VWA8: variants seen among roughly 807,000 people sequenced by gnomAD.
The protein encoded by VWA8 is von Willebrand factor A domain containing 8.
VWA8 carries 221 observed loss-of-function variants against 241.5 expected under a neutral mutation model. The observed-to-expected ratio is 0.91, with a 90% CI of 0.82 to 1.02. The LOEUF (loss-of-function observed/expected upper bound fraction) is 1.02, where lower values mean the gene tolerates loss of function less well. VWA8 is among the 50% of genes least tolerant of loss of function. The pLI is 0.00. For synonymous variants in VWA8, 852 were observed against 827.1 expected (o/e 1.03, Z -0.52); for missense variants, 2,322 against 2,328.7 (o/e 1.00, Z 0.06).
intron 5 of VWA8, among the ~76,000 whole-genome samples, chr13:41,889,081 C>T (rs2138082097): frequency 6.6e-6 from 1 of 152,194 alleles, no homozygotes; most frequent in Middle Eastern, 3.4e-3. Context: ...ACTATAATCA[C>T]CTTTATGAAA....
chr13:41,591,835 C>T (rs367817899), intron 40 of VWA8, among the ~76,000 whole-genome samples: 432 of 145,904 alleles, frequency 3.0e-3, no homozygotes, highest in African/African-American at 7.4e-3. Flanking sequence ...GGAGAGGATG[C>T]GGAGAAATAG....
rs548981450 is a variant in VWA8, at chr13:41,870,554, G to A, written c.1081-2077C>T. Among the ~76,000 whole-genome samples, 14 of 150,572 alleles carry A rather than the reference G, an allele frequency of 9.3e-5. No homozygotes were observed. The East Asian group carries it at 2.0e-3, about 21-fold the overall frequency. ...CTCGGGAGGCTGGGTCAGGAGAATC[G>A]CTTGAACCCAGGAAGAGGAGGTTGC... is the stretch of plus-strand genomic sequence containing the variant. On this transcript the variant is annotated intron_variant, in intron 9 of 44. Transcript: ENST00000379310.
chr13:41,960,966 GGGCCGCCGT>G lies in VWA8; in HGVS notation c.41_49del (p.His14_Gly16del). 6.9e-7 allele frequency: 1 copy of G among 1,442,198 alleles called. No homozygotes were observed. The highest frequency in any genetic ancestry group is 2.4e-4 in the Middle Eastern group (1 of 4,084). 89.3% of individuals were successfully genotyped at this position (1,442,198 alleles called of 1,614,324 possible). Reference sequence around the variant, plus strand: ...GAGCAGCCGCATGCGCCGCGAGGCCGGGCCGCCGTGGCCTCCGGGTGCCCCGAGGAGTAG... The same window carrying G: ...GAGCAGCCGCATGCGCCGCGAGGCCGGGCCTCCGGGTGCCCCGAGGAGTAG... On this transcript the variant is annotated inframe_deletion, in exon 1 of 45. Transcript: ENST00000379310.
intron 26 of VWA8, among the ~76,000 whole-genome samples, chr13:41,707,718 T>G (rs778090696): frequency 1.3e-5 from 2 of 152,180 alleles, no homozygotes; most frequent in African/African-American, 4.8e-5. Flanking sequence ...CCTCAAACTA[T>G]TAGTTGCTAT....
At chr13:41,701,293 A>G in intron 28 of VWA8, 99 bp downstream of exon 28, 1 of 1,356,470 alleles carries the variant, frequency 7.4e-7, no homozygotes, top group Non-Finnish European at 9.8e-7. Context: ...GACAGACACC[A>G]AGTCTATCAT....
intron 2 of VWA8, among the ~76,000 whole-genome samples, chr13:41,924,340 T>C (rs1163053616): frequency 5.7e-5 from 8 of 140,920 alleles, no homozygotes; most frequent in Admixed American, 1.5e-4. Flanking sequence ...AGATAGCTCT[T>C]CTGAAATTAC....
At chr13:41,853,979 T>C (rs2138033549) in intron 12 of VWA8, among the ~76,000 whole-genome samples, 1 of 152,328 alleles carries the variant, frequency 6.6e-6, no homozygotes, top group East Asian at 1.9e-4. Context: ...ATACATGTTT[T>C]ATATTTTAAT....
intron 29 of VWA8, among the ~76,000 whole-genome samples, chr13:41,697,832 C>A (rs2045225021): frequency 6.6e-6 from 1 of 152,124 alleles, no homozygotes; most frequent in South Asian, 2.1e-4. Flanking sequence ...CTCACCACCC[C>A]CTTCACTTTG....
chr13:41,946,695 T>A (rs570753220), intron 2 of VWA8, among the ~76,000 whole-genome samples: 147 of 143,204 alleles, frequency 1.0e-3, no homozygotes, highest in Non-Finnish European at 1.9e-3. Context: ...TGGGCCAGAG[T>A]GGAAAGGACA....
intron 12 of VWA8, among the ~76,000 whole-genome samples, chr13:41,845,727 C>T (rs1173477867): frequency 6.6e-6 from 1 of 152,124 alleles, no homozygotes; most frequent in Non-Finnish European, 1.5e-5. Flanking sequence ...AAACCAGATA[C>T]CACTTGTTCT....
chr13:41,680,838 C>T (rs141314706), intron 35 of VWA8, among the ~76,000 whole-genome samples: 10 of 152,248 alleles, frequency 6.6e-5, no homozygotes, highest in African/African-American at 2.4e-4. Context: ...TGGAAAGAAC[C>T]TAAATTTGCA....
chr13:41,905,436 T>C (rs1316607748), intron 4 of VWA8, among the ~76,000 whole-genome samples: 1 of 152,104 alleles, frequency 6.6e-6, no homozygotes, highest in Non-Finnish European at 1.5e-5. Context: ...GGTAAAATTA[T>C]ACTATAAAAT....
At chr13:41,667,951 C>G (rs1003254621) in intron 37 of VWA8, among the ~76,000 whole-genome samples, 2 of 151,938 alleles carry the variant, frequency 1.3e-5, no homozygotes, top group African/African-American at 4.8e-5. Context: ...ATATGTAGAG[C>G]TCAAAAAATA....
intron 2 of VWA8, among the ~76,000 whole-genome samples, chr13:41,917,384 A>G (rs1876309638): frequency 6.6e-6 from 1 of 152,076 alleles, no homozygotes; most frequent in Admixed American, 6.6e-5. Context: ...TTAGACAAGC[A>G]TTTTGACTCT....
intron 2 of VWA8, among the ~76,000 whole-genome samples, chr13:41,932,720 CAAGATCATATCAA>C (rs1291154423): frequency 6.6e-6 from 1 of 151,550 alleles, no homozygotes; most frequent in East Asian, 1.9e-4. Flanking sequence ...AAAAAAAACA[CAAGATCATATCAA>C]AAGACACGGA....
rs529196662 is a variant in VWA8, at chr13:41,747,273, T to G, written c.2426+13855A>C. On this transcript the variant is annotated intron_variant, in intron 21 of 44. Coordinates refer to ENST00000379310, the MANE Select transcript of VWA8 (RefSeq NM_015058.2). ...TTTGTTTGTATCCTCTTTTATTTCA[T>G]TGAGCAGTGGTTTGTCGTTCTCCTT... Among the ~76,000 whole-genome samples the G allele has an allele frequency of 2.0e-5, 3 of 152,236 alleles. No homozygotes were observed. The South Asian group carries it at 6.2e-4, about 31-fold the overall frequency.
chr13:41,868,617 G>A, intron 9 of VWA8, 140 bp from the exon 10 acceptor site: 1 of 1,059,788 alleles, frequency 9.4e-7, no homozygotes, highest in Non-Finnish European at 1.3e-6. Context: ...AAGGGCGGTG[G>A]CTCAGGCCTG....
chr13:41,800,789 T>A (rs1190043938), intron 17 of VWA8, among the ~76,000 whole-genome samples: 4 of 124,738 alleles, frequency 3.2e-5, no homozygotes, highest in Non-Finnish European at 5.0e-5. Context: ...CGAGACTCCA[T>A]CTCCAAAAAA....
chr13:41,579,677 T>G (rs936734142), intron 42 of VWA8, among the ~76,000 whole-genome samples: 7 of 152,222 alleles, frequency 4.6e-5, no homozygotes, highest in Non-Finnish European at 8.8e-5. Context: ...TGTTACAGTT[T>G]ACAAAGGGCT....
Sources: gnomAD v4.1 joint callset for allele counts (sites outside exome capture counted in the v4.1 genomes callset) on GRCh38, gnomAD v4.1.1 for gene constraint, MANE v1.5 for transcripts, NCBI Gene and HGNC (gene_info 2026-07-23, HGNC 2026-07-21) for gene names.